VPS8: variants seen among roughly 807,000 people sequenced by gnomAD.
VPS8 encodes the protein VPS8 subunit of CORVET complex.
VPS8 carries 129 observed loss-of-function variants against 216.4 expected under a neutral mutation model. The observed-to-expected ratio is 0.60, with a 90% confidence interval of 0.52 to 0.69. The LOEUF is 0.69. Ranked by LOEUF, VPS8 falls within the 30% of genes least tolerant of loss-of-function variation. The pLI is 0.00. For missense variants in VPS8, 1,531 were observed against 1,683.5 expected (o/e 0.91, Z 1.59); for synonymous variants, 571 against 565.4 (o/e 1.01, Z -0.14).
In VPS8 at chr3:185,002,309, G is replaced by A. The variant is rs566927431; in HGVS notation, c.4002+2448G>A. ...TTTTCATGAATTGGTGTAAAATTTT[G>A]AAAGCCATTTACACTACATTGGTTG... On this transcript the variant is annotated intron_variant, in intron 45 of 47. Transcript: ENST00000625842. Among the ~76,000 whole-genome samples, 34 of 152,144 alleles carry A rather than the reference G, an allele frequency of 2.2e-4. No homozygotes were observed. In the South Asian group the frequency reaches 5.4e-3, roughly 24 times the overall value.
At chr3:184,997,811 A>G (rs965337820) in intron 44 of VPS8, among the ~76,000 whole-genome samples, 2 of 152,224 alleles carry the variant, frequency 1.3e-5, no homozygotes, top group African/African-American at 4.8e-5. Flanking sequence ...AAAATTAATT[A>G]ATAGAAAAAT....
intron 46 of VPS8, among the ~76,000 whole-genome samples, chr3:185,045,492 C>G (rs558471006): frequency 5.3e-5 from 8 of 151,932 alleles, no homozygotes; most frequent in African/African-American, 1.9e-4. Context: ...GGTCTGTGAC[C>G]GGGCACGGTG....
chr3:184,838,153 GAA>G (rs1317398943), intron 5 of VPS8, among the ~76,000 whole-genome samples: 1 of 152,168 alleles, frequency 6.6e-6, no homozygotes, highest in Non-Finnish European at 1.5e-5. Flanking sequence ...CTAATGTTCA[GAA>G]AAGTTAGGTG....
At position 185,035,592 on chromosome 3, in the gene VPS8, AT is replaced by A. The variant is rs527237811; in HGVS notation, c.4056+11204del. ...GATAAAAACCCTCAACAGACTAGGC[AT>A]CAAAGGAACATACCTCAAAATAATA... On this transcript the variant is annotated intron_variant, in intron 46 of 47. Transcript: ENST00000625842. Among the ~76,000 whole-genome samples, 237 of 152,348 alleles carry A rather than the reference AT, an allele frequency of 1.6e-3. 1 individual carries two copies. The highest frequency in any genetic ancestry group is 5.6e-3 in the African/African-American group (232 of 41,588).
At chr3:184,889,242 A>G (rs1409418265) in intron 22 of VPS8, among the ~76,000 whole-genome samples, 3 of 152,132 alleles carry the variant, frequency 2.0e-5, no homozygotes, top group East Asian at 1.9e-4. Flanking sequence ...CTTCTTTCCT[A>G]TAATTTTTCC....
intron 1 of VPS8, among the ~76,000 whole-genome samples, chr3:184,823,251 G>T (rs1325457591): frequency 6.6e-6 from 1 of 152,212 alleles, no homozygotes; most frequent in Non-Finnish European, 1.5e-5. Context: ...GATGGCACAT[G>T]CCTGTAGTCC....
chr3:185,010,476 T>C (rs1217397805), intron 45 of VPS8, among the ~76,000 whole-genome samples: 1 of 152,132 alleles, frequency 6.6e-6, no homozygotes, highest in Non-Finnish European at 1.5e-5. Context: ...CATTCAAAGT[T>C]ATAATTGTAT....
chr3:184,892,993 G>A (rs1311954458), intron 22 of VPS8, among the ~76,000 whole-genome samples: 1 of 151,924 alleles, frequency 6.6e-6, no homozygotes, highest in African/African-American at 2.4e-5. Context: ...TGTTTTGCTT[G>A]GCTAGTAATC....
chr3:184,872,931 A>C (rs1253967225), intron 21 of VPS8, among the ~76,000 whole-genome samples: 1 of 152,148 alleles, frequency 6.6e-6, no homozygotes, highest in East Asian at 1.9e-4. Context: ...ACATCTATAA[A>C]TATGGAGAAA....
chr3:184,928,884 G>C (rs1740169654), intron 32 of VPS8, among the ~76,000 whole-genome samples: 1 of 152,018 alleles, frequency 6.6e-6, no homozygotes, highest in Non-Finnish European at 1.5e-5. Context: ...ATTTGACGTA[G>C]TAAATAAGAT....
intron 20 of VPS8, 82 bp from the exon 21 acceptor site, chr3:184,870,634 G>A (rs916603700): frequency 1.0e-6 from 1 of 990,760 alleles, no homozygotes; most frequent in African/African-American, 1.6e-5. Context: ...TTCTAATTAT[G>A]TATTATTTAG....
At chr3:184,812,990 C>G (rs1715492257) in intron 1 of VPS8, among the ~76,000 whole-genome samples, 1 of 152,140 alleles carries the variant, frequency 6.6e-6, no homozygotes, top group Admixed American at 6.5e-5. Context: ...AAAGGTGGGC[C>G]TCTGAAGTTC....
At chr3:184,820,935 A>G (rs1432578360) in intron 1 of VPS8, among the ~76,000 whole-genome samples, 1 of 152,200 alleles carries the variant, frequency 6.6e-6, no homozygotes, top group Non-Finnish European at 1.5e-5. Flanking sequence ...CAAAACCCCT[A>G]TCATTCAGCT....
At position 184,880,240 on chromosome 3, in the gene VPS8, G is replaced by A. The variant is rs188085329; in HGVS notation, c.1735-5870G>A. Among the ~76,000 whole-genome samples, 6 of 152,174 alleles carry A rather than the reference G, an allele frequency of 3.9e-5. No individual in the cohort carries two copies. The East Asian group carries it at 1.2e-3, about 29-fold the overall frequency. ...ATAACCAGGATATTGATATTGATAA[G>A]GTAAAGATACAGAACATTTTCATCA... is the stretch of plus-strand genomic sequence containing the variant. On this transcript the variant is annotated intron_variant, in intron 21 of 47. Transcript: ENST00000625842.
At chr3:184,938,646 T>TC (rs1742079857) in intron 35 of VPS8, among the ~76,000 whole-genome samples, 1 of 141,542 alleles carries the variant, frequency 7.1e-6, no homozygotes, top group Non-Finnish European at 1.5e-5. Flanking sequence ...CTTTTCTTTT[T>TC]TTCTTTTTTT....
chr3:185,019,783 C>G (rs1756389608), intron 45 of VPS8, among the ~76,000 whole-genome samples: 1 of 152,150 alleles, frequency 6.6e-6, no homozygotes, highest in African/African-American at 2.4e-5. Flanking sequence ...AGTTTGTGGC[C>G]AGATTTGGGT....
intron 34 of VPS8, 48 bp from the exon 35 acceptor site, chr3:184,936,198 G>T: frequency 6.6e-7 from 1 of 1,514,770 alleles, no homozygotes; most frequent in Non-Finnish European, 9.0e-7. Context: ...TGGATATGCT[G>T]TTTAAATGAG....
chr3:184,933,459 T>G (rs947340162), intron 34 of VPS8, among the ~76,000 whole-genome samples: 3 of 152,202 alleles, frequency 2.0e-5, no homozygotes, highest in African/African-American at 7.2e-5. Flanking sequence ...GATGTTAGTC[T>G]TTTATCAGCA....
chr3:185,030,165 G>GTTGA (rs1416209979), intron 46 of VPS8, among the ~76,000 whole-genome samples: 1 of 152,188 alleles, frequency 6.6e-6, no homozygotes, highest in Non-Finnish European at 1.5e-5. Context: ...AAATGCAGGT[G>GTTGA]TTGACAACGT....
Sources: allele counts gnomAD v4.1 joint callset (sites outside exome capture counted in the v4.1 genomes callset), GRCh38; gene constraint gnomAD v4.1.1; transcripts MANE v1.5; gene names NCBI Gene and HGNC (gene_info 2026-07-23, HGNC 2026-07-21).